The following MAMDC2 variants were observed in gnomAD, a reference collection of about 807,000 sequenced individuals.
The protein encoded by MAMDC2 is MAM domain-containing protein 2.
Under a neutral mutation model 89.8 loss-of-function variants are expected in MAMDC2, and 57 were observed. That is an observed-to-expected ratio of 0.63 (90% CI 0.51 to 0.79). The LOEUF is 0.79. Ranked by LOEUF, MAMDC2 falls within the 30% of genes least tolerant of loss-of-function variation. MAMDC2 has a pLI of 0.00. For missense variants in MAMDC2, 800 were observed against 820.6 expected, an observed-to-expected ratio of 0.97 and a Z score of 0.31; for synonymous variants, 313 against 293.4, an observed-to-expected ratio of 1.07 and a Z score of -0.68.
chr9:70,046,915 G>A (rs1465567595), intron 2 of MAMDC2, among the ~76,000 whole-genome samples: 1 of 152,198 alleles, frequency 6.6e-6, no homozygotes, highest in Non-Finnish European at 1.5e-5. Context: ...GTGTACTGCA[G>A]GCTCCAGGGC....
intron 4 of MAMDC2, among the ~76,000 whole-genome samples, 157 bp from the exon 5 acceptor site, chr9:70,112,838 C>T (rs1156717589): frequency 6.6e-6 from 1 of 152,212 alleles, no homozygotes; most frequent in East Asian, 1.9e-4. Context: ...ATCTGTCTCT[C>T]TTCTTGGCCA....
chr9:70,218,584 G>C lies in MAMDC2; in HGVS notation c.1899G>C (p.Glu633Asp). The part of the protein sequence containing the change: ...WLRALIEYSC[E>D]RQHQIIFEAI... Reference sequence around the variant, plus strand: ...GAGCACTGATTGAATACAGCTGTGAGAGGCAACACCAGGTAAGCCAACAGA... The same window carrying C: ...GAGCACTGATTGAATACAGCTGTGACAGGCAACACCAGGTAAGCCAACAGA... Residue 633 changes from glutamate (E) to aspartate (D), a missense_variant, in exon 12 of 14, where the codon GAG becomes GAC. Glu to Asp is a conservative substitution (Grantham distance 45, BLOSUM62 2). Coordinates refer to ENST00000377182, the MANE Select transcript of MAMDC2 (RefSeq NM_153267.5). The C allele has an allele frequency of 6.2e-7, 1 of 1,607,898 alleles. No homozygotes were observed. Among genetic ancestry groups the C allele is most frequent in the Non-Finnish European group, 8.5e-7 (1 of 1,175,564 alleles).
rs538231777 is a variant in MAMDC2 at position 70,058,403 on chromosome 9, G to A, written c.148+13706G>A. Among the ~76,000 whole-genome samples the A allele has an allele frequency of 3.3e-5, 5 of 152,268 alleles. No individual in the cohort carries two copies. The East Asian group carries it at 5.8e-4, about 18-fold the overall frequency. On this transcript the variant is annotated intron_variant, in intron 2 of 13. Transcript: ENST00000377182. ...TGTTTACATCCTCTCTTGACATGGG[G>A]TCTCAAAGGGTCCTTGTGATAGAAA...
chr9:70,121,817 A>G (rs1268587755), intron 5 of MAMDC2, among the ~76,000 whole-genome samples: 1 of 152,102 alleles, frequency 6.6e-6, no homozygotes, highest in African/African-American at 2.4e-5. Context: ...AGATTCTCCT[A>G]ATATCAGACA....
chr9:70,136,362 G>A (rs1356044813), intron 7 of MAMDC2, among the ~76,000 whole-genome samples: 5 of 152,084 alleles, frequency 3.3e-5, no homozygotes, highest in Admixed American at 3.3e-4. Context: ...TCATTTTGCG[G>A]CTTGATAGCT....
intron 11 of MAMDC2, among the ~76,000 whole-genome samples, chr9:70,196,966 C>A (rs920892192): frequency 6.6e-6 from 1 of 152,052 alleles, no homozygotes; most frequent in African/African-American, 2.4e-5. Flanking sequence ...AAAAAAATTA[C>A]TTGGAAGACA....
chr9:70,067,188 A>G (rs931180879), intron 2 of MAMDC2, among the ~76,000 whole-genome samples: 1 of 152,176 alleles, frequency 6.6e-6, no homozygotes, highest in African/African-American at 2.4e-5. Context: ...TGTGTCTAGT[A>G]TCCAGAAAAA....
intron 2 of MAMDC2, among the ~76,000 whole-genome samples, chr9:70,046,821 C>T (rs1826764757): frequency 6.6e-6 from 1 of 152,236 alleles, no homozygotes; most frequent in Non-Finnish European, 1.5e-5. Context: ...TCATTCTCCT[C>T]TGAGCACTCC....
intron 11 of MAMDC2, among the ~76,000 whole-genome samples, chr9:70,189,678 C>G: frequency 6.6e-6 from 1 of 151,766 alleles, no homozygotes; most frequent in Non-Finnish European, 1.5e-5. Flanking sequence ...TCTTTCTTCC[C>G]CTTTCTCTCT....
intron 11 of MAMDC2, among the ~76,000 whole-genome samples, chr9:70,181,067 T>A (rs1280136403): frequency 6.6e-6 from 1 of 152,234 alleles, no homozygotes; most frequent in East Asian, 1.9e-4. Context: ...GTTTTCTGCA[T>A]ATGGCTAGCC....
chr9:70,201,659 T>A (rs1190913984), intron 11 of MAMDC2, among the ~76,000 whole-genome samples: 25 of 97,396 alleles, frequency 2.6e-4, no homozygotes, highest in African/African-American at 1.1e-3. Flanking sequence ...TCTGGTAGAA[T>A]TCGGCTGTGA....
intron 6 of MAMDC2, among the ~76,000 whole-genome samples, chr9:70,127,275 A>G (rs1231361510): frequency 1.3e-5 from 2 of 152,192 alleles, no homozygotes; most frequent in Non-Finnish European, 2.9e-5. Flanking sequence ...ACAGCTGGTG[A>G]ATGCCAGAGA....
chr9:70,094,453 T>A (rs1827977472), intron 2 of MAMDC2, among the ~76,000 whole-genome samples: 1 of 152,182 alleles, frequency 6.6e-6, no homozygotes, highest in African/African-American at 2.4e-5. Context: ...CCTGACATAG[T>A]GAGAATTTGT....
intron 11 of MAMDC2, among the ~76,000 whole-genome samples, chr9:70,189,485 A>G (rs1451461072): frequency 6.6e-6 from 1 of 152,166 alleles, no homozygotes; most frequent in East Asian, 1.9e-4. Flanking sequence ...ATTAGCAAAG[A>G]AAAAATTTTA....
At chr9:70,064,900 C>T (rs971889781) in intron 2 of MAMDC2, among the ~76,000 whole-genome samples, 3 of 152,146 alleles carry the variant, frequency 2.0e-5, no homozygotes, top group Admixed American at 6.5e-5. Context: ...GTCTATATAA[C>T]CTCGTGCTAC....
chr9:70,210,374 T>C lies in MAMDC2; in HGVS notation c.1652-7963T>C, dbSNP rs911776692. On this transcript the variant is annotated intron_variant, in intron 11 of 13. Coordinates refer to ENST00000377182, the MANE Select transcript of MAMDC2 (RefSeq NM_153267.5). ...TTAGTTCTTGTTGACTTGATCCCTTTACCATTATGTAATGGCCTTCTTTGT... is the reference window on the plus strand; with the variant it reads ...TTAGTTCTTGTTGACTTGATCCCTTCACCATTATGTAATGGCCTTCTTTGT... Among the ~76,000 whole-genome samples, 4 of 152,184 alleles carry C rather than the reference T, an allele frequency of 2.6e-5. 1 individual carries two copies. The highest frequency in any genetic ancestry group is 5.9e-5 in the Non-Finnish European group (4 of 68,050).
chr9:70,220,465 T>C (rs1000313405), intron 12 of MAMDC2, among the ~76,000 whole-genome samples: 1 of 152,168 alleles, frequency 6.6e-6, no homozygotes, highest in Non-Finnish European at 1.5e-5. Flanking sequence ...GGAATCCAAA[T>C]GATGCCAGGG....
chr9:70,133,483 A>G (rs2030884818), intron 7 of MAMDC2, among the ~76,000 whole-genome samples: 1 of 152,214 alleles, frequency 6.6e-6, no homozygotes, highest in South Asian at 2.1e-4. Context: ...TTCCGCAGAT[A>G]TGAGTTCTTA....
At chr9:70,100,259 G>A (rs541116370) in intron 2 of MAMDC2, among the ~76,000 whole-genome samples, 3 of 152,320 alleles carry the variant, frequency 2.0e-5, no homozygotes, top group South Asian at 2.1e-4. Flanking sequence ...AGAAGAAAGT[G>A]AGTTTCAGAT....
Sources: gnomAD v4.1 joint callset for allele counts (sites outside exome capture counted in the v4.1 genomes callset) on GRCh38, gnomAD v4.1.1 for gene constraint, MANE v1.5 for transcripts, NCBI Gene and HGNC (gene_info 2026-07-23, HGNC 2026-07-21) for gene names.